KYNU: variants seen among roughly 807,000 people sequenced by gnomAD.
The protein encoded by KYNU is kynureninase.
KYNU carries 54 observed loss-of-function variants against 59.2 expected under a neutral mutation model. That is an observed-to-expected ratio of 0.91 (90% CI 0.73 to 1.14). KYNU has a LOEUF of 1.14. KYNU is among the 50% of genes most tolerant of loss of function. The probability of loss-of-function intolerance (pLI) is 0.00; values close to 1 mark genes in which losing one functional copy is unlikely to be tolerated. For missense variants in KYNU, 567 were observed against 554.4 expected, an observed-to-expected ratio of 1.02 and a Z score of -0.23; for synonymous variants, 177 against 192.0, an observed-to-expected ratio of 0.92 and a Z score of 0.65.
intron 7 of KYNU, 63 bp downstream of exon 7, chr2:142,957,778 T>G (rs1684219139): frequency 9.5e-7 from 1 of 1,049,814 alleles, no homozygotes; most frequent in African/African-American, 1.6e-5. Context: ...TTCTTCATTT[T>G]CCTCAAAAGT....
chr2:142,948,584 G>A (rs1488753178), intron 4 of KYNU, among the ~76,000 whole-genome samples: 1 of 152,152 alleles, frequency 6.6e-6, no homozygotes, highest in East Asian at 1.9e-4. Context: ...GAGATAGCTT[G>A]TGTAGGGAAA....
rs1687212442 is a variant in KYNU at position 143,048,748 on chromosome 2, C to T, written c.*6576C>T. The T allele has an allele frequency of 6.6e-6, 1 of 152,122 alleles. No homozygotes were observed. The highest frequency in any genetic ancestry group is 1.5e-5 in the Non-Finnish European group (1 of 68,026). 9.4% of individuals were successfully genotyped at this position (152,122 alleles called of 1,614,324 possible). On this transcript the variant is annotated 3_prime_UTR_variant, in exon 14 of 14. Transcript: ENST00000264170. ...TACAGTATTTTGGCTTCCATTACTG[C>T]TGTTAAGCATTCAGATCATCAGAGA... is the stretch of plus-strand genomic sequence containing the variant.
intron 10 of KYNU, among the ~76,000 whole-genome samples, chr2:142,992,406 C>CT (rs1459408644): frequency 1.3e-5 from 2 of 151,710 alleles, no homozygotes; most frequent in Non-Finnish European, 2.9e-5. Context: ...ATCAACACAC[C>CT]TTATCCTTAT....
intron 10 of KYNU, 40 bp downstream of exon 10, chr2:142,986,061 A>G: frequency 7.8e-7 from 1 of 1,289,462 alleles, no homozygotes; most frequent in Non-Finnish European, 1.1e-6. Flanking sequence ...TGATGAACAA[A>G]TTAATTTGCA....
chr2:142,927,870 T>C (rs1431444086), intron 4 of KYNU, 129 bp downstream of exon 4: 3 of 679,006 alleles, frequency 4.4e-6, no homozygotes, highest in Non-Finnish European at 7.8e-6. Context: ...TCTATAATAG[T>C]AAAAAGGAAG....
At chr2:142,917,785 A>C (rs546163105) in intron 2 of KYNU, among the ~76,000 whole-genome samples, 13 of 152,366 alleles carry the variant, frequency 8.5e-5, no homozygotes, top group African/African-American at 3.1e-4. Flanking sequence ...GATCAGGTTG[A>C]AATAGATGGT....
At chr2:143,003,005 C>T (rs1218726778) in intron 10 of KYNU, among the ~76,000 whole-genome samples, 3 of 152,158 alleles carry the variant, frequency 2.0e-5, no homozygotes, top group Non-Finnish European at 2.9e-5. Context: ...CTTATTTCCT[C>T]CTTTTTATGC....
At chr2:142,916,287 G>A (rs1403119458) in intron 2 of KYNU, among the ~76,000 whole-genome samples, 1 of 152,122 alleles carries the variant, frequency 6.6e-6, no homozygotes, top group African/African-American at 2.4e-5. Context: ...CCCAATCTGT[G>A]CCAGAATTTG....
chr2:142,925,454 A>T (rs1352142017), intron 3 of KYNU, among the ~76,000 whole-genome samples: 2 of 152,232 alleles, frequency 1.3e-5, no homozygotes, highest in African/African-American at 4.8e-5. Flanking sequence ...TAGTTTTAGC[A>T]TTAGATTTAC....
intron 10 of KYNU, among the ~76,000 whole-genome samples, chr2:143,028,881 A>AC (rs1686657628): frequency 6.8e-6 from 1 of 148,088 alleles, no homozygotes; most frequent in Non-Finnish European, 1.5e-5. Flanking sequence ...ACAAAACAAA[A>AC]ACAATATGAA....
At chr2:142,885,292 C>T in intron 1 of KYNU, 57 bp from the exon 2 acceptor site, 1 of 1,422,458 alleles carries the variant, frequency 7.0e-7, no homozygotes, top group Non-Finnish European at 9.8e-7. Flanking sequence ...ACCTAAAGGG[C>T]TCATTTTCTA....
At chr2:142,950,088 C>A (rs1459880758) in intron 4 of KYNU, among the ~76,000 whole-genome samples, 1 of 152,200 alleles carries the variant, frequency 6.6e-6, no homozygotes, top group East Asian at 1.9e-4. Context: ...CAGTTCCCAA[C>A]AAGTTCCTCA....
Position 142,907,411 on chromosome 2 carries a change from C to T in KYNU, c.170-11198C>T, listed in dbSNP as rs368778717. Among the ~76,000 whole-genome samples, 465 of 152,254 alleles carry T rather than the reference C, an allele frequency of 3.1e-3. 3 individuals carry two copies. The highest frequency in any genetic ancestry group is 0.01 in the African/African-American group (417 of 41,552). On this transcript the variant is annotated intron_variant, in intron 2 of 13. Transcript: ENST00000264170. ...CAGGAACAAAGGTGAGACTTTAGCCCGATCAGGAGTGGAAATGGGTGCCTT... is the reference window on the plus strand; with the variant it reads ...CAGGAACAAAGGTGAGACTTTAGCCTGATCAGGAGTGGAAATGGGTGCCTT...
At chr2:143,003,789 A>G (rs1685782793) in intron 10 of KYNU, among the ~76,000 whole-genome samples, 1 of 152,228 alleles carries the variant, frequency 6.6e-6, no homozygotes, top group Admixed American at 6.5e-5. Flanking sequence ...AACAAAATTA[A>G]TAACTGATAA....
At chr2:142,974,187 A>G (rs1684822541) in intron 8 of KYNU, among the ~76,000 whole-genome samples, 1 of 152,226 alleles carries the variant, frequency 6.6e-6, no homozygotes, top group Non-Finnish European at 1.5e-5. Context: ...GAATCACAGA[A>G]ACTGTGGTCT....
intron 2 of KYNU, 58 bp downstream of exon 2, chr2:142,885,594 T>C (rs1681482953): frequency 7.4e-7 from 1 of 1,357,918 alleles, no homozygotes; most frequent in Non-Finnish European, 1.0e-6. Context: ...TGCTACTGCA[T>C]GTGTTTATTA....
At chr2:142,910,738 C>T (rs1427969253) in intron 2 of KYNU, among the ~76,000 whole-genome samples, 2 of 152,074 alleles carry the variant, frequency 1.3e-5, no homozygotes, top group African/African-American at 4.8e-5. Context: ...CATCTTGAGT[C>T]AATAATTGTA....
At chr2:142,944,807 A>G (rs1450539181) in intron 4 of KYNU, among the ~76,000 whole-genome samples, 1 of 152,234 alleles carries the variant, frequency 6.6e-6, no homozygotes, top group Non-Finnish European at 1.5e-5. Flanking sequence ...ACATACCTCA[A>G]AGATATTGTG....
intron 2 of KYNU, among the ~76,000 whole-genome samples, chr2:142,907,430 G>T (rs907697544): frequency 2.6e-5 from 4 of 152,244 alleles, no homozygotes; most frequent in African/African-American, 9.6e-5. Flanking sequence ...GTGGAAATGG[G>T]TGCCTTGCTG....
Sources: gnomAD v4.1 joint callset for allele counts (sites outside exome capture counted in the v4.1 genomes callset) on GRCh38, gnomAD v4.1.1 for gene constraint, MANE v1.5 for transcripts, NCBI Gene and HGNC (gene_info 2026-07-23, HGNC 2026-07-21) for gene names.